The following KIAA1328 variants were observed in gnomAD, a reference collection of about 807,000 sequenced individuals.
KIAA1328 encodes the protein protein hinderin.
In KIAA1328, 52 loss-of-function variants were observed where a neutral mutation model predicts 68.1. The observed-to-expected ratio is 0.76, with a 90% CI of 0.61 to 0.96. The LOEUF (loss-of-function observed/expected upper bound fraction) is 0.96. Ranked by LOEUF, KIAA1328 falls within the 40% of genes least tolerant of loss-of-function variation. The pLI is 0.00. For synonymous variants in KIAA1328, 232 were observed against 239.4 expected (o/e 0.97, Z 0.28); for missense variants, 641 against 677.6 (o/e 0.95, Z 0.60).
intron 7 of KIAA1328, among the ~76,000 whole-genome samples, chr18:37,087,683 T>TG (rs1368385484): frequency 6.6e-6 from 1 of 152,198 alleles, no homozygotes; most frequent in Non-Finnish European, 1.5e-5. Flanking sequence ...GACTCTTACT[T>TG]GCTACTATCC....
intron 6 of KIAA1328, among the ~76,000 whole-genome samples, chr18:37,011,098 G>T (rs556991184): frequency 6.6e-6 from 1 of 152,182 alleles, no homozygotes; most frequent in South Asian, 2.1e-4. Flanking sequence ...AAATTTAGGG[G>T]CTGAAAAACA....
chr18:37,212,594 C>T (rs1158449423), intron 9 of KIAA1328, among the ~76,000 whole-genome samples: 4 of 152,110 alleles, frequency 2.6e-5, no homozygotes, highest in Admixed American at 2.0e-4. Context: ...TTAAAAACTA[C>T]AGATAGCAAA....
downstream of KIAA1328, among the ~76,000 whole-genome samples, chr18:37,227,585 C>T (rs2060646556): frequency 6.6e-6 from 1 of 152,228 alleles, no homozygotes; most frequent in Non-Finnish European, 1.5e-5. Context: ...ACAAAGCTTG[C>T]ATAGCAGCAC....
chr18:36,829,216 CAG>C lies in KIAA1328; in HGVS notation c.58+21_58+22del. 6.6e-7 allele frequency: 1 copy of C among 1,504,970 alleles called. No individual in the cohort carries two copies. The highest frequency in any genetic ancestry group is 8.9e-7 in the Non-Finnish European group (1 of 1,128,768). The allele number at this position is 1,504,970 out of a possible 1,614,324, so 93.2% of individuals were successfully genotyped here. On this transcript the variant is annotated intron_variant, in intron 1 of 9. Transcript: ENST00000280020. ...GGGACTGTATCCTTTGCCCGCCTGA[CAG>C]GGGGCGCCGGCGCCCTCCACGGGAC...
intron 7 of KIAA1328, among the ~76,000 whole-genome samples, chr18:37,103,717 C>T (rs1011687778): frequency 6.6e-6 from 1 of 151,422 alleles, no homozygotes; most frequent in Admixed American, 6.6e-5. Flanking sequence ...GAAAAGAAAC[C>T]CTGTATAGTA....
chr18:37,069,039 G>T (rs1020089134), intron 7 of KIAA1328, among the ~76,000 whole-genome samples: 1 of 151,942 alleles, frequency 6.6e-6, no homozygotes, highest in East Asian at 1.9e-4. Flanking sequence ...TTTATCATAG[G>T]TGTTGAATTT....
intron 7 of KIAA1328, among the ~76,000 whole-genome samples, chr18:37,133,056 C>G (rs985846658): frequency 1.3e-5 from 2 of 152,076 alleles, no homozygotes; most frequent in African/African-American, 4.8e-5. Context: ...CAATGGTGGC[C>G]AGGCGCGATG....
intron 7 of KIAA1328, among the ~76,000 whole-genome samples, chr18:37,153,701 G>T (rs2059091480): frequency 7.1e-6 from 1 of 141,166 alleles, no homozygotes; most frequent in South Asian, 2.2e-4. Context: ...TCCAGGACTG[G>T]TTCAGAAACT....
intron 7 of KIAA1328, among the ~76,000 whole-genome samples, chr18:37,097,529 T>G (rs970382755): frequency 2.0e-5 from 3 of 152,214 alleles, no homozygotes; most frequent in Admixed American, 6.5e-5. Context: ...CTTTGTTCTT[T>G]TGGCTTAGGA....
intron 4 of KIAA1328, among the ~76,000 whole-genome samples, chr18:36,883,969 T>TATATATATATATATATATATAC (rs1032694969): frequency 2.2e-4 from 32 of 148,806 alleles, no homozygotes; most frequent in African/African-American, 7.7e-4. Flanking sequence ...TATATATATA[T>TATATATATATATATATATATAC]ACACACACAG....
chr18:37,132,373 C>A (rs1026342082), intron 7 of KIAA1328, among the ~76,000 whole-genome samples: 1 of 152,154 alleles, frequency 6.6e-6, no homozygotes, highest in African/African-American at 2.4e-5. Flanking sequence ...TCCAAGGAGA[C>A]AAGGAATCCT....
At chr18:37,194,817 C>T (rs897479912) in intron 9 of KIAA1328, among the ~76,000 whole-genome samples, 14 of 152,058 alleles carry the variant, frequency 9.2e-5, no homozygotes, top group African/African-American at 3.4e-4. Flanking sequence ...TGCACCACCA[C>T]GCCCAGCTAA....
At chr18:36,924,498 T>C (rs781406168) in intron 5 of KIAA1328, among the ~76,000 whole-genome samples, 34 of 152,300 alleles carry the variant, frequency 2.2e-4, no homozygotes, top group African/African-American at 5.5e-4. Context: ...ATAGGACTTA[T>C]GTGGGGAAAA....
At chr18:37,169,402 T>C (rs1286298155) in intron 8 of KIAA1328, among the ~76,000 whole-genome samples, 1 of 152,026 alleles carries the variant, frequency 6.6e-6, no homozygotes, top group Non-Finnish European at 1.5e-5. Context: ...CTTCACCTCA[T>C]TGTTCACCTG....
At chr18:37,123,160 CACTT>C (rs1432617700) in intron 7 of KIAA1328, among the ~76,000 whole-genome samples, 2 of 152,104 alleles carry the variant, frequency 1.3e-5, no homozygotes, top group Non-Finnish European at 2.9e-5. Flanking sequence ...AAAGCATTCT[CACTT>C]GTTAGTATAC....
intron 6 of KIAA1328, among the ~76,000 whole-genome samples, chr18:36,988,918 CA>C (rs1258084471): frequency 6.6e-6 from 1 of 152,142 alleles, no homozygotes; most frequent in African/African-American, 2.4e-5. Flanking sequence ...ATACCTAATA[CA>C]TTATCAGTTA....
intron 3 of KIAA1328, among the ~76,000 whole-genome samples, chr18:36,840,402 A>G (rs921840270): frequency 2.0e-5 from 3 of 151,636 alleles, no homozygotes; most frequent in Non-Finnish European, 4.4e-5. Flanking sequence ...TCTTAAAACT[A>G]GAAATGGTGG....
At chr18:37,187,937 C>T (rs1464102944) in intron 9 of KIAA1328, among the ~76,000 whole-genome samples, 1 of 152,144 alleles carries the variant, frequency 6.6e-6, no homozygotes, top group Non-Finnish European at 1.5e-5. Context: ...ACATGACCTA[C>T]CAGATACTGA....
intron 5 of KIAA1328, among the ~76,000 whole-genome samples, chr18:36,948,732 A>G (rs192733282): frequency 2.6e-5 from 4 of 152,068 alleles, no homozygotes; most frequent in Admixed American, 2.6e-4. Flanking sequence ...TATTTTTAGT[A>G]GAGACGGGGT....
Sources: allele counts gnomAD v4.1 joint callset (sites outside exome capture counted in the v4.1 genomes callset), GRCh38; gene constraint gnomAD v4.1.1; transcripts MANE v1.5; gene names NCBI Gene and HGNC (gene_info 2026-07-23, HGNC 2026-07-21).